The following GPC5 variants were observed in gnomAD, a reference collection of about 807,000 sequenced individuals.
The protein encoded by GPC5 is glypican-5.
In GPC5, 47 loss-of-function variants were observed where a neutral mutation model predicts 53.9. The observed-to-expected ratio is 0.87, with a 90% CI of 0.69 to 1.11. The LOEUF is 1.11. Among genes scored for constraint, GPC5 ranks in the 50% most tolerant of loss-of-function variants. The pLI is 0.00. For missense variants in GPC5, 748 were observed against 713.1 expected (o/e 1.05, Z -0.56); for synonymous variants, 286 against 263.3 (o/e 1.09, Z -0.84).
chr13:92,424,988 T>C (rs1876766825), intron 7 of GPC5, among the ~76,000 whole-genome samples: 1 of 152,094 alleles, frequency 6.6e-6, no homozygotes, highest in Non-Finnish European at 1.5e-5. Flanking sequence ...CTTCTCATGC[T>C]TAACACACCT....
intron 7 of GPC5, among the ~76,000 whole-genome samples, chr13:92,342,210 C>G (rs2043372700): frequency 6.6e-6 from 1 of 152,138 alleles, no homozygotes; most frequent in African/African-American, 2.4e-5. Context: ...TGCTTTCGGT[C>G]ATGGTGCCCA....
intron 7 of GPC5, among the ~76,000 whole-genome samples, chr13:92,398,321 T>C (rs7321371): frequency 0.62 from 89,861 of 144,618 alleles, 28,017 homozygotes; most frequent in East Asian, 0.73. Context: ...CCCAGCTACT[T>C]GGGAGGCTGA....
chr13:92,515,474 G>A (rs982407707), intron 7 of GPC5, among the ~76,000 whole-genome samples: 12 of 152,232 alleles, frequency 7.9e-5, no homozygotes, highest in East Asian at 7.7e-4. Flanking sequence ...TGAAGTTCTC[G>A]ACCCAGTTAG....
At chr13:92,068,006 G>A (rs1405279971) in intron 6 of GPC5, among the ~76,000 whole-genome samples, 1 of 151,940 alleles carries the variant, frequency 6.6e-6, no homozygotes, top group Non-Finnish European at 1.5e-5. Flanking sequence ...GAGAGGGAGA[G>A]AGAAAGATTT....
chr13:92,714,996 CAGAAG>C (rs1222417420), intron 7 of GPC5, among the ~76,000 whole-genome samples: 5 of 152,016 alleles, frequency 3.3e-5, no homozygotes, highest in African/African-American at 1.2e-4. Flanking sequence ...ACCTGGGAGG[CAGAAG>C]TTGCAGTGAG....
At chr13:92,100,341 G>T (rs143088390) in intron 6 of GPC5, among the ~76,000 whole-genome samples, 6,560 of 152,184 alleles carry the variant, frequency 0.043, 465 homozygotes, top group African/African-American at 0.14. Context: ...GGCAGAGGTT[G>T]CCGTGAGCCG....
At chr13:92,729,592 G>A (rs898186267) in intron 7 of GPC5, among the ~76,000 whole-genome samples, 1 of 151,164 alleles carries the variant, frequency 6.6e-6, no homozygotes, top group African/African-American at 2.4e-5. Flanking sequence ...CTCTGCTGTA[G>A]ACCATAAAAT....
Position 92,144,902 on chromosome 13 carries a change from G to C in GPC5, c.1474G>C (p.Glu492Gln), listed in dbSNP as rs143874024. 2 of 1,609,104 alleles carry C rather than the reference G, an allele frequency of 1.2e-6. No homozygotes were observed. Among genetic ancestry groups the C allele is most frequent in the Non-Finnish European group, 1.7e-6 (2 of 1,178,144 alleles). Residue 492 changes from glutamate (E) to glutamine (Q), a missense_variant, in exon 7 of 8, where the codon GAA (glutamate) becomes CAA (glutamine). By Grantham distance (29) the Glu-to-Gln change is conservative. Transcript: ENST00000377067. ...GCTGGGCAGTGGTGGAGGCATGGTT[G>C]AACAAGTCAGTGGGGACTGTGATGA... ...LQLGSGGGMV[E>Q]QVSGDCDDED...
At chr13:92,721,453 T>A (rs1888506365) in intron 7 of GPC5, 1 of 152,068 alleles carries the variant, frequency 6.6e-6, no homozygotes, top group Non-Finnish European at 1.5e-5. Flanking sequence ...AAGAAAAGCA[T>A]GATCATTATT....
At chr13:91,684,515 A>C (rs945054657) in intron 2 of GPC5, among the ~76,000 whole-genome samples, 1 of 152,142 alleles carries the variant, frequency 6.6e-6, no homozygotes, top group African/African-American at 2.4e-5. Flanking sequence ...CATTTCCTAT[A>C]CATCTCCCTC....
chr13:91,917,051 G>A (rs966034865), intron 6 of GPC5, among the ~76,000 whole-genome samples: 3 of 152,052 alleles, frequency 2.0e-5, no homozygotes, highest in African/African-American at 4.8e-5. Context: ...ACTAATTCTA[G>A]CATTAACCCA....
intron 3 of GPC5, among the ~76,000 whole-genome samples, chr13:91,710,840 G>C (rs2036209446): frequency 6.6e-6 from 1 of 150,512 alleles, no homozygotes; most frequent in African/African-American, 2.5e-5. Flanking sequence ...GATGTTAATA[G>C]GTATTCTTTG....
chr13:92,302,219 T>A (rs1439228884), intron 7 of GPC5, among the ~76,000 whole-genome samples: 1 of 152,130 alleles, frequency 6.6e-6, no homozygotes, highest in Non-Finnish European at 1.5e-5. Flanking sequence ...AATATTATAC[T>A]TAACAGTGAT....
intron 7 of GPC5, among the ~76,000 whole-genome samples, chr13:92,438,955 C>G (rs2139383205): frequency 6.6e-6 from 1 of 152,202 alleles, no homozygotes; most frequent in Middle Eastern, 3.4e-3. Context: ...AGTTCCTATA[C>G]ACAGCCAAGT....
intron 5 of GPC5, among the ~76,000 whole-genome samples, chr13:91,868,710 A>G (rs542979843): frequency 1.3e-5 from 2 of 152,306 alleles, no homozygotes; most frequent in East Asian, 3.9e-4. Context: ...GTCTCAAAAA[A>G]GAATTAGAGA....
chr13:91,403,736 T>A (rs547499336), intron 1 of GPC5, among the ~76,000 whole-genome samples: 2 of 152,180 alleles, frequency 1.3e-5, no homozygotes, highest in African/African-American at 4.8e-5. Flanking sequence ...TCTAAGAGAA[T>A]CACGTGTTTC....
intron 6 of GPC5, among the ~76,000 whole-genome samples, chr13:92,144,162 A>T (rs957919202): frequency 6.6e-6 from 1 of 152,184 alleles, no homozygotes; most frequent in African/African-American, 2.4e-5. Context: ...TGTAGGGGAA[A>T]ATGTCTATTC....
At chr13:92,100,687 C>A (rs2041459294) in intron 6 of GPC5, among the ~76,000 whole-genome samples, 1 of 152,142 alleles carries the variant, frequency 6.6e-6, no homozygotes, top group Non-Finnish European at 1.5e-5. Context: ...CCTTGAAATA[C>A]AAGGATATTG....
At chr13:92,787,823 G>A (rs1876309269) in intron 7 of GPC5, among the ~76,000 whole-genome samples, 2 of 149,942 alleles carry the variant, frequency 1.3e-5, no homozygotes, top group Admixed American at 1.3e-4. Context: ...GCTGCAGTGA[G>A]CTATGATTGC....
Sources: allele counts gnomAD v4.1 joint callset (sites outside exome capture counted in the v4.1 genomes callset), GRCh38; gene constraint gnomAD v4.1.1; transcripts MANE v1.5; gene names NCBI Gene and HGNC (gene_info 2026-07-23, HGNC 2026-07-21).